ASPH: variants seen among roughly 807,000 people sequenced by gnomAD.
ASPH encodes aspartate beta-hydroxylase, also known as aspartyl/asparaginyl beta-hydroxylase.
In ASPH, 100 loss-of-function variants were observed where a neutral mutation model predicts 118.4. The observed-to-expected ratio is 0.84, with a 90% confidence interval of 0.72 to 1.00. The LOEUF (loss-of-function observed/expected upper bound fraction) is 1.00. ASPH is among the 50% of genes least tolerant of loss of function. The pLI is 0.00. For synonymous variants in ASPH, 315 were observed against 325.6 expected (o/e 0.97, Z 0.35); for missense variants, 920 against 919.5 (o/e 1.00, Z -0.01).
At chr8:61,574,161 C>A (rs1834352134) in intron 16 of ASPH, among the ~76,000 whole-genome samples, 2 of 152,132 alleles carry the variant, frequency 1.3e-5, no homozygotes, top group Admixed American at 1.3e-4. Flanking sequence ...CCATCTCACG[C>A]CAGTTAGAAT....
chr8:61,683,434 G>A (rs1259016469), intron 2 of ASPH: 1 of 151,966 alleles, frequency 6.6e-6, no homozygotes, highest in Non-Finnish European at 1.5e-5. Context: ...TACAGAAAAG[G>A]AAAAAGGTGG....
At chr8:61,701,115 T>C (rs1835145641) in intron 1 of ASPH, among the ~76,000 whole-genome samples, 2 of 152,176 alleles carry the variant, frequency 1.3e-5, no homozygotes, top group Admixed American at 6.5e-5. Flanking sequence ...GTTCTGCTTT[T>C]TTTCTCACTG....
chr8:61,578,260 C>T (rs538552875), intron 15 of ASPH: 2,181 of 1,583,962 alleles, frequency 1.4e-3, no homozygotes, highest in Non-Finnish European at 1.7e-3. Context: ...AAGGTGTCCA[C>T]CTCTGGCCCC....
At chr8:61,633,803 T>C (rs916095473) in intron 12 of ASPH, 76 bp from the exon 13 acceptor site, 2 of 977,268 alleles carry the variant, frequency 2.0e-6, no homozygotes, top group Non-Finnish European at 1.5e-6. Flanking sequence ...CAGATTTAAG[T>C]AATGATGATA....
chr8:61,672,414 T>A (rs1342297354), intron 3 of ASPH, among the ~76,000 whole-genome samples: 1 of 152,042 alleles, frequency 6.6e-6, no homozygotes, highest in Non-Finnish European at 1.5e-5. Context: ...ATTGGAAAGG[T>A]CACCTGAAGA....
At chr8:61,509,449 C>T (rs918574418) in intron 24 of ASPH, among the ~76,000 whole-genome samples, 7 of 152,158 alleles carry the variant, frequency 4.6e-5, no homozygotes, top group South Asian at 2.1e-4. Context: ...ACTGTCAAGG[C>T]GCTGGTGGGA....
Position 61,633,731 on chromosome 8 carries a change from A to C in ASPH, c.890-4T>G, listed in dbSNP as rs1412133586. 1 of 1,591,786 alleles carries C rather than the reference A, an allele frequency of 6.3e-7. No individual in the cohort carries two copies. ...TCCACAGGAAAAATGCTTACTTCTAAAATAAATAATAAAGTTATAATCTGT... is the reference window on the plus strand; with the variant it reads ...TCCACAGGAAAAATGCTTACTTCTACAATAAATAATAAAGTTATAATCTGT... On this transcript the variant is annotated splice_region_variant and splice_polypyrimidine_tract_variant and intron_variant, in intron 12 of 24. Transcript: ENST00000379454.
chr8:61,612,365 A>G (rs1847682608), intron 14 of ASPH, among the ~76,000 whole-genome samples: 1 of 142,688 alleles, frequency 7.0e-6, no homozygotes, highest in Non-Finnish European at 1.5e-5. Context: ...TGATTAAGAA[A>G]TGAACAAAGT....
chr8:61,654,853 A>G (rs942601529), intron 3 of ASPH, among the ~76,000 whole-genome samples: 4 of 152,236 alleles, frequency 2.6e-5, no homozygotes, highest in Admixed American at 6.5e-5. Context: ...ACTGTAAGAC[A>G]GGCTGCAAAG....
intron 3 of ASPH, among the ~76,000 whole-genome samples, chr8:61,670,182 TAAC>T (rs2151432033): frequency 6.6e-6 from 1 of 151,748 alleles, no homozygotes; most frequent in African/African-American, 2.4e-5. Flanking sequence ...CAAAAACAGT[TAAC>T]AAGAGTCCCT....
chr8:61,515,250 A>C (rs16927440), intron 24 of ASPH, among the ~76,000 whole-genome samples: 60,700 of 151,892 alleles, frequency 0.4, 14,114 homozygotes, highest in African/African-American at 0.64. Context: ...AGCATTCTCC[A>C]ACCTCCTCTC....
rs932733962 is a variant in ASPH at position 61,524,270 on chromosome 8, T to A, written c.1900+1707A>T. Among the ~76,000 whole-genome samples, 6 of 152,218 alleles carry A rather than the reference T, an allele frequency of 3.9e-5. No individual in the cohort carries two copies. The South Asian group carries it at 8.3e-4, about 21-fold the overall frequency. ...TAGGGAATACATCCAAACCTGTAAC[T>A]GTAGGTCAGTGCATAGCTTTAAATG... On this transcript the variant is annotated intron_variant, in intron 22 of 24. Transcript: ENST00000379454.
At chr8:61,671,921 C>T (rs1027401803) in intron 3 of ASPH, among the ~76,000 whole-genome samples, 1 of 152,250 alleles carries the variant, frequency 6.6e-6, no homozygotes, top group Non-Finnish European at 1.5e-5. Flanking sequence ...CAAGTAGCTA[C>T]TTCAGACTTT....
chr8:61,625,038 G>A, intron 13 of ASPH: 1 of 985,614 alleles, frequency 1.0e-6, no homozygotes, highest in South Asian at 4.7e-5. Context: ...AAAGCAGGGG[G>A]AAAAAGTCAC....
At chr8:61,516,549 C>A (rs1810998386) in intron 24 of ASPH, among the ~76,000 whole-genome samples, 1 of 152,142 alleles carries the variant, frequency 6.6e-6, no homozygotes, top group Non-Finnish European at 1.5e-5. Context: ...ATGTGTAAGA[C>A]AACAATAACT....
intron 1 of ASPH, among the ~76,000 whole-genome samples, chr8:61,712,763 C>A (rs1784833919): frequency 6.6e-6 from 1 of 152,184 alleles, no homozygotes; most frequent in Admixed American, 6.5e-5. Context: ...TTAGTTCTCA[C>A]CAATAAGAGG....
rs573351521 is a variant in ASPH, at chr8:61,554,682, C to CT, written c.1536+1241dup. 3.7e-3 allele frequency among the ~76,000 whole-genome samples: 552 copies of CT among 150,938 alleles called. 4 individuals are homozygous for CT. The highest frequency in any genetic ancestry group is 0.012 in the African/African-American group (497 of 41,182). ...AACATTTCCATCACAGTAGAAAATTCTTTTTTTTTAGAGACTGGGTCTTGC... is the reference window on the plus strand; with the variant it reads ...AACATTTCCATCACAGTAGAAAATTCTTTTTTTTTTAGAGACTGGGTCTTGC... On this transcript the variant is annotated intron_variant, in intron 19 of 24. Coordinates refer to ENST00000379454, the MANE Select transcript of ASPH (RefSeq NM_004318.4).
chr8:61,646,996 C>T (rs1442435687), intron 5 of ASPH, 118 bp from the exon 6 acceptor site: 25 of 1,332,984 alleles, frequency 1.9e-5, no homozygotes, highest in South Asian at 6.5e-5. Context: ...TCCTTTCGGC[C>T]GCTGAAGACA....
At chr8:61,643,319 A>G in intron 9 of ASPH, 67 bp downstream of exon 9, 5 of 1,486,754 alleles carry the variant, frequency 3.4e-6, no homozygotes, top group Non-Finnish European at 4.6e-6. Flanking sequence ...ATCACCATGT[A>G]AACACAGCAT....
Sources: allele counts gnomAD v4.1 joint callset (sites outside exome capture counted in the v4.1 genomes callset), GRCh38; gene constraint gnomAD v4.1.1; transcripts MANE v1.5; gene names NCBI Gene and HGNC (gene_info 2026-07-23, HGNC 2026-07-21).